Variants in CYP4X1 observed in about 807,000 individuals in gnomAD.
The protein encoded by CYP4X1 is cytochrome P450 4X1.
A neutral mutation model predicts 57.9 loss-of-function variants in CYP4X1; 44 were observed. The observed-to-expected ratio is 0.76, with a 90% CI of 0.60 to 0.98. The LOEUF (loss-of-function observed/expected upper bound fraction) is 0.98, where lower values mean the gene tolerates loss of function less well. CYP4X1 is among the 50% of genes least tolerant of loss of function. The probability of loss-of-function intolerance (pLI) is 0.00; values close to 1 mark genes in which losing one functional copy is unlikely to be tolerated. For missense variants in CYP4X1, 532 were observed against 623.9 expected (o/e 0.85, Z 1.57); for synonymous variants, 227 against 228.6 (o/e 0.99, Z 0.06).
chr1:46,986,117 A>G, the CYP4X1 span, among the ~76,000 whole-genome samples: 1 of 152,192 alleles, frequency 6.6e-6, no homozygotes, highest in African/African-American at 2.4e-5. Context: ...AAAGTCAAGA[A>G]CCTTGAAAAA....
At chr1:47,015,061 G>A in the CYP4X1 span, among the ~76,000 whole-genome samples, 1 of 152,146 alleles carries the variant, frequency 6.6e-6, no homozygotes, top group Non-Finnish European at 1.5e-5. Context: ...TAACCCATAT[G>A]GGTCTGTGCA....
intron 9 of CYP4X1, among the ~76,000 whole-genome samples, chr1:47,047,256 G>C (rs1644313041): frequency 6.6e-6 from 1 of 152,142 alleles, no homozygotes; most frequent in Non-Finnish European, 1.5e-5. Flanking sequence ...AACAACACAG[G>C]TTTCTGAGCA....
chr1:46,980,547 A>G, the CYP4X1 span, among the ~76,000 whole-genome samples: 2 of 152,224 alleles, frequency 1.3e-5, no homozygotes, highest in Admixed American at 6.5e-5. Flanking sequence ...AAATGGCCAT[A>G]CTGCCCAAGG....
chr1:47,035,672 A>G (rs930436431), intron 4 of CYP4X1, 134 bp from the exon 5 acceptor site: 5 of 1,306,412 alleles, frequency 3.8e-6, no homozygotes, highest in Non-Finnish European at 5.2e-6. Flanking sequence ...TTATTTACTC[A>G]TGTGATCTTT....
chr1:47,011,105 C>T, the CYP4X1 span, among the ~76,000 whole-genome samples: 19 of 152,076 alleles, frequency 1.2e-4, no homozygotes, highest in African/African-American at 4.6e-4. Flanking sequence ...GCCAAGACAA[C>T]CCTAAGCCAA....
chr1:47,022,270 C>T (rs149603780), upstream of CYP4X1, among the ~76,000 whole-genome samples: 667 of 150,728 alleles, frequency 4.4e-3, 3 homozygotes, highest in South Asian at 0.024. Context: ...AAGTCACCAC[C>T]CCTGGGGCCT....
At chr1:46,964,128 T>C in the CYP4X1 span, among the ~76,000 whole-genome samples, 1 of 152,218 alleles carries the variant, frequency 6.6e-6, no homozygotes, top group African/African-American at 2.4e-5. Flanking sequence ...CATTGGTTAT[T>C]CTAGTTATCC....
At chr1:46,969,305 A>T in the CYP4X1 span, among the ~76,000 whole-genome samples, 1 of 152,212 alleles carries the variant, frequency 6.6e-6, no homozygotes, top group African/African-American at 2.4e-5. Context: ...CATGTCTTGT[A>T]CATCCTGATG....
chr1:47,030,040 C>G lies in CYP4X1; in HGVS notation c.228C>G (p.Tyr76Ter). 1 of 1,614,048 alleles carries G rather than the reference C, an allele frequency of 6.2e-7. No individual in the cohort carries two copies. The highest frequency in any genetic ancestry group is 8.5e-7 in the Non-Finnish European group (1 of 1,179,980). The part of the protein sequence containing the change: ...MEKLEEIIEK[Y>*]PRAFPFWIGP... ...AGCTTGAGGAAATTATTGAAAAATACCCTCGTGCCTTCCCTTTCTGGATTG... is the reference window on the plus strand; with the variant it reads ...AGCTTGAGGAAATTATTGAAAAATAGCCTCGTGCCTTCCCTTTCTGGATTG... The change falls in exon 2 of 12, where the codon TAC becomes TAG. Residue 76 changes from tyrosine (Y) to a stop codon, truncating the protein, a stop_gained. Coordinates refer to ENST00000371901, the MANE Select transcript of CYP4X1 (RefSeq NM_178033.2). LOFTEE classifies it high-confidence loss of function.
chr1:47,035,922 C>T lies in CYP4X1; in HGVS notation c.609C>T (p.Cys203=). The change falls in exon 5 of 12, where the codon TGC becomes TGT. Residue 203 remains cysteine, a synonymous_variant. Transcript: ENST00000371901. The part of the protein sequence containing the change: ...MKCAFSKETN[C]QTNSTHDPYA... Reference sequence around the variant, plus strand: ...GCGCTTTCAGCAAGGAGACCAACTGCCAGACAAACAGGTCAGTGGTGGGAG... The same window carrying T: ...GCGCTTTCAGCAAGGAGACCAACTGTCAGACAAACAGGTCAGTGGTGGGAG... 1 of 1,613,570 alleles carries T rather than the reference C, an allele frequency of 6.2e-7. No individual in the cohort carries two copies. The highest frequency in any genetic ancestry group is 8.5e-7 in the Non-Finnish European group (1 of 1,179,706).
chr1:46,989,121 A>G, the CYP4X1 span, among the ~76,000 whole-genome samples: 1 of 152,222 alleles, frequency 6.6e-6, no homozygotes, highest in Non-Finnish European at 1.5e-5. Context: ...CTCTGTTTGC[A>G]GATGACATGA....
At chr1:47,010,272 A>T in the CYP4X1 span, among the ~76,000 whole-genome samples, 2 of 152,224 alleles carry the variant, frequency 1.3e-5, no homozygotes, top group East Asian at 3.8e-4. Flanking sequence ...CAAATCAATA[A>T]ATGTAATCCA....
intron 8 of CYP4X1, among the ~76,000 whole-genome samples, chr1:47,044,782 G>A (rs1644282886): frequency 6.7e-6 from 1 of 149,716 alleles, no homozygotes; most frequent in African/African-American, 2.5e-5. Flanking sequence ...GGACAAAATT[G>A]TTTTTTTAAT....
At chr1:46,970,647 G>A in the CYP4X1 span, among the ~76,000 whole-genome samples, 2 of 152,210 alleles carry the variant, frequency 1.3e-5, no homozygotes, top group African/African-American at 4.8e-5. Context: ...AGTGGTAAAA[G>A]AGAAATGTGC....
the CYP4X1 span, among the ~76,000 whole-genome samples, chr1:47,007,920 A>C: frequency 2.6e-5 from 4 of 152,362 alleles, no homozygotes; most frequent in South Asian, 8.3e-4. Context: ...ATATGGGACT[A>C]TGTGAAAAGA....
chr1:47,027,173 A>C (rs1350915034), intron 1 of CYP4X1, among the ~76,000 whole-genome samples: 4 of 151,294 alleles, frequency 2.6e-5, no homozygotes, highest in Non-Finnish European at 5.9e-5. Context: ...ACTGTCACTA[A>C]GTTTTTTTTT....
chr1:47,005,228 C>T, the CYP4X1 span, among the ~76,000 whole-genome samples: 4 of 152,112 alleles, frequency 2.6e-5, no homozygotes, highest in Admixed American at 6.6e-5. Context: ...ACTGTTTGGC[C>T]TCAATATTGC....
chr1:47,023,790 C>G lies in CYP4X1; in HGVS notation c.-28C>G. 2 of 1,599,122 alleles carry G rather than the reference C, an allele frequency of 1.3e-6. No homozygotes were observed. Among genetic ancestry groups the G allele is most frequent in the East Asian group, 2.2e-5 (1 of 44,562 alleles). ...CCACCCTCTCCCGCGCCCCAGGAAACCGCCGGCGTTCGGCGCTGCGCAGAG... is the reference window on the plus strand; with the variant it reads ...CCACCCTCTCCCGCGCCCCAGGAAAGCGCCGGCGTTCGGCGCTGCGCAGAG... On this transcript the variant is annotated 5_prime_UTR_variant, in exon 1 of 12. Transcript: ENST00000371901.
Position 47,050,213 on chromosome 1 carries a change from A to C in CYP4X1, c.*39A>C. The C allele has an allele frequency of 6.2e-7, 1 of 1,607,512 alleles. No homozygotes were observed. Among genetic ancestry groups the C allele is most frequent in the Non-Finnish European group, 8.5e-7 (1 of 1,175,642 alleles). On this transcript the variant is annotated 3_prime_UTR_variant, in exon 12 of 12. Transcript: ENST00000371901. ...ATGATTAAACGTACTTTGTTTTTCG[A>C]AGTTAAATTTACAGCTAATGATCCA...
Sources: gnomAD v4.1 joint callset for allele counts (sites outside exome capture counted in the v4.1 genomes callset) on GRCh38, gnomAD v4.1.1 for gene constraint, MANE v1.5 for transcripts, NCBI Gene and HGNC (gene_info 2026-07-23, HGNC 2026-07-21) for gene names.